The following STK38L variants were observed in gnomAD, a reference collection of about 807,000 sequenced individuals.
STK38L encodes the protein serine/threonine-protein kinase 38-like.
STK38L carries 28 observed loss-of-function variants against 59.7 expected under a neutral mutation model. The observed-to-expected ratio is 0.47, with a 90% CI of 0.35 to 0.64. The LOEUF (loss-of-function observed/expected upper bound fraction) is 0.64. Among genes scored for constraint, STK38L ranks in the 30% least tolerant of loss-of-function variants. The pLI is 0.01. For missense variants in STK38L, 314 were observed against 555.8 expected, an observed-to-expected ratio of 0.56 and a Z score of 4.37; for synonymous variants, 162 against 176.8, an observed-to-expected ratio of 0.92 and a Z score of 0.66.
At chr12:27,309,289 A>T in intron 5 of STK38L, 92 bp downstream of exon 5, 1 of 727,458 alleles carries the variant, frequency 1.4e-6, no homozygotes, top group Non-Finnish European at 2.0e-6. Flanking sequence ...AGCAGTTTAC[A>T]CATCTTACTA....
intron 1 of STK38L, among the ~76,000 whole-genome samples, chr12:27,291,843 A>G (rs1943904216): frequency 6.6e-6 from 1 of 152,378 alleles, no homozygotes; most frequent in Admixed American, 6.5e-5. Flanking sequence ...TGTGAAAACT[A>G]AGGTGAAATC....
At chr12:27,277,197 C>T (rs1019864257) in intron 1 of STK38L, among the ~76,000 whole-genome samples, 3 of 151,938 alleles carry the variant, frequency 2.0e-5, no homozygotes, top group Admixed American at 2.0e-4. Flanking sequence ...ACTTCACACC[C>T]CGCTTTGTTC....
intron 1 of STK38L, among the ~76,000 whole-genome samples, chr12:27,291,901 C>G (rs1171497200): frequency 6.6e-6 from 1 of 152,202 alleles, no homozygotes; most frequent in Non-Finnish European, 1.5e-5. Flanking sequence ...GTTCTATTTT[C>G]TTCCTTTAGA....
Position 27,287,830 on chromosome 12 carries a change from C to T in STK38L, c.-11-9880C>T, listed in dbSNP as rs564925599. Among the ~76,000 whole-genome samples the T allele has an allele frequency of 1.5e-4, 23 of 152,198 alleles. 1 individual carries two copies. The South Asian group carries it at 4.4e-3, about 29-fold the overall frequency. ...AATGTCTTCTCCTCTTCTCCTCTTC[C>T]CATAATCTATGATTATGTTGCCTCA... On this transcript the variant is annotated intron_variant, in intron 1 of 13. Coordinates refer to ENST00000389032, the MANE Select transcript of STK38L (RefSeq NM_015000.4).
chr12:27,288,105 C>A lies in STK38L; in HGVS notation c.-11-9605C>A, dbSNP rs574777400. On this transcript the variant is annotated intron_variant, in intron 1 of 13. Coordinates refer to ENST00000389032, the MANE Select transcript of STK38L (RefSeq NM_015000.4). ...TCATGTTGGCCAGGCTGGTATCGAA[C>A]TCCTGACCTCAAGTCATCCACCTGC... Among the ~76,000 whole-genome samples the A allele has an allele frequency of 2.0e-5, 3 of 152,258 alleles. No homozygotes were observed. The South Asian group carries it at 6.2e-4, about 32-fold the overall frequency.
At chr12:27,320,992 A>G (rs1944716302) in intron 12 of STK38L, among the ~76,000 whole-genome samples, 2 of 152,214 alleles carry the variant, frequency 1.3e-5, no homozygotes, top group South Asian at 4.2e-4. Context: ...AGTGGGAAGG[A>G]TGCTTAGAGA....
At chr12:27,264,942 C>A (rs1447247917) in intron 1 of STK38L, among the ~76,000 whole-genome samples, 2 of 152,152 alleles carry the variant, frequency 1.3e-5, no homozygotes, top group African/African-American at 4.8e-5. Context: ...AGGTATGCTA[C>A]TCTTTTTGAG....
intron 1 of STK38L, among the ~76,000 whole-genome samples, chr12:27,265,953 C>T (rs957448005): frequency 3.3e-5 from 5 of 152,046 alleles, no homozygotes; most frequent in African/African-American, 1.2e-4. Flanking sequence ...TGGATGCTAC[C>T]CTCTCAAGAG....
intron 6 of STK38L, among the ~76,000 whole-genome samples, chr12:27,313,596 T>A (rs1944511520): frequency 6.6e-6 from 1 of 152,036 alleles, no homozygotes; most frequent in Non-Finnish European, 1.5e-5. Flanking sequence ...TTGGTCAGGC[T>A]GGTCTCAAAC....
chr12:27,248,272 TG>T (rs1942900119), intron 1 of STK38L, among the ~76,000 whole-genome samples: 1 of 152,208 alleles, frequency 6.6e-6, no homozygotes, highest in Non-Finnish European at 1.5e-5. Flanking sequence ...AATAGAGTGT[TG>T]TACATGTAAA....
At chr12:27,259,051 A>G (rs1305488882) in intron 1 of STK38L, among the ~76,000 whole-genome samples, 1 of 152,216 alleles carries the variant, frequency 6.6e-6, no homozygotes, top group Non-Finnish European at 1.5e-5. Flanking sequence ...AGCTTTGCCA[A>G]CAAAAGAAAT....
chr12:27,250,858 G>A (rs950922068), intron 1 of STK38L, among the ~76,000 whole-genome samples: 4 of 151,952 alleles, frequency 2.6e-5, no homozygotes, highest in Non-Finnish European at 5.9e-5. Context: ...AAATAGCCGG[G>A]CGTGGTGGCG....
chr12:27,258,476 C>T (rs949681221), intron 1 of STK38L, among the ~76,000 whole-genome samples: 5 of 151,912 alleles, frequency 3.3e-5, no homozygotes, highest in Non-Finnish European at 7.4e-5. Context: ...TTACAGGCCC[C>T]TGCCTCCATG....
chr12:27,319,908 GT>G (rs1445223120), intron 12 of STK38L, among the ~76,000 whole-genome samples: 1 of 152,210 alleles, frequency 6.6e-6, no homozygotes, highest in African/African-American at 2.4e-5. Context: ...ACCATTGGTA[GT>G]TCTGATCTGT....
chr12:27,279,215 T>C (rs935988415), intron 1 of STK38L, among the ~76,000 whole-genome samples: 35 of 152,314 alleles, frequency 2.3e-4, no homozygotes, highest in African/African-American at 7.5e-4. Flanking sequence ...GTTTTCAAAT[T>C]AGGATTGGTT....
chr12:27,314,406 A>AC, intron 6 of STK38L, 98 bp from the exon 7 acceptor site: 5 of 1,066,080 alleles, frequency 4.7e-6, no homozygotes, highest in Non-Finnish European at 6.2e-6. Flanking sequence ...GTCTCCAAAA[A>AC]AAAAAAAAAA....
At chr12:27,249,054 G>A (rs1942917379) in intron 1 of STK38L, among the ~76,000 whole-genome samples, 1 of 152,146 alleles carries the variant, frequency 6.6e-6, no homozygotes, top group Admixed American at 6.5e-5. Flanking sequence ...GTGTGAGTAG[G>A]TCTATCAAAA....
intron 1 of STK38L, among the ~76,000 whole-genome samples, chr12:27,276,094 A>C (rs992157717): frequency 6.6e-6 from 1 of 152,170 alleles, no homozygotes; most frequent in Non-Finnish European, 1.5e-5. Flanking sequence ...TTTTAAAAAA[A>C]CTTCATTATG....
rs1040287524 is a variant in STK38L at position 27,308,927 on chromosome 12, TA to T, written c.310-183del. On this transcript the variant is annotated intron_variant, in intron 4 of 13. Coordinates refer to ENST00000389032, the MANE Select transcript of STK38L (RefSeq NM_015000.4). The surrounding 1 kb of genome is among the most constrained non-coding windows in gnomAD (Gnocchi z 4.5). Reference sequence around the variant, plus strand: ...ATATATAAATATATATTAATATATATAAAATATATATAAATATATATATAAC... The same window carrying T: ...ATATATAAATATATATTAATATATATAAATATATATAAATATATATATAAC... Among the ~76,000 whole-genome samples the T allele has an allele frequency of 2.1e-5, 3 of 145,726 alleles. No homozygotes were observed. Among genetic ancestry groups the T allele is most frequent in the South Asian group, 2.1e-4 (1 of 4,744 alleles).
Sources: allele counts gnomAD v4.1 joint callset (sites outside exome capture counted in the v4.1 genomes callset), GRCh38; gene constraint gnomAD v4.1.1; non-coding constraint Gnocchi (gnomAD v3.1); transcripts MANE v1.5; gene names NCBI Gene and HGNC (gene_info 2026-07-23, HGNC 2026-07-21).